Variants in POM121L2 observed in about 807,000 individuals in gnomAD.
POM121L2 encodes the protein POM121 transmembrane nucleoporin like 2.
For synonymous variants in POM121L2, 459 were observed against 483.8 expected (o/e 0.95, Z 0.67); for missense variants, 1,167 against 1,260.3 (o/e 0.93, Z 1.12).
chr6:27,310,108 T>A lies in POM121L2; in HGVS notation c.2063A>T (p.His688Leu). The change falls in exon 1 of 1, where the codon CAC (histidine) becomes CTC (leucine). Residue 688 changes from histidine (H) to leucine (L), a missense_variant. Transcript: ENST00000444565. ...CACAGTAGGAATTGTAGGATGGTGG[T>A]GTGGTGGGAAAATGAATCCTGTGGC... ...TPATGFIFPPHHHPTIPTVHT... is the reference protein window; with the variant it reads ...TPATGFIFPPLHHPTIPTVHT... 1 of 1,551,970 alleles carries A rather than the reference T, an allele frequency of 6.4e-7. No homozygotes were observed. Among genetic ancestry groups the A allele is most frequent in the Non-Finnish European group, 8.7e-7 (1 of 1,147,050 alleles).
Position 27,310,238 on chromosome 6 carries a change from C to A in POM121L2, c.1933G>T (p.Val645Leu). ...CCTACGGCACTGGTGACATTCACTA[C>A]ACCAAAATCCAAAGGTGGCTTAAAA... The part of the protein sequence containing the change: ...SVFKPPLDFG[V>L]VNVTSAVGNT... The change falls in exon 1 of 1, where the codon GTA (valine) becomes TTA (leucine). Residue 645 changes from valine to leucine, a missense_variant. Transcript: ENST00000444565. 1 of 1,552,344 alleles carries A rather than the reference C, an allele frequency of 6.4e-7. No homozygotes were observed.
Position 27,311,785 on chromosome 6 carries a change from A to C in POM121L2, c.386T>G (p.Val129Gly), listed in dbSNP as rs1760749753. 6.4e-7 allele frequency: 1 copy of C among 1,551,706 alleles called. No individual in the cohort carries two copies. The highest frequency in any genetic ancestry group is 8.7e-7 in the Non-Finnish European group (1 of 1,146,994). ...TIRITPPDQRVPPSTSPEDVI... is the reference protein window; with the variant it reads ...TIRITPPDQRGPPSTSPEDVI... ...ATCTTCAGGAGAAGTGGAAGGGGGCACTCTCTGGTCAGGAGGAGTGATCCT... is the reference window on the plus strand; with the variant it reads ...ATCTTCAGGAGAAGTGGAAGGGGGCCCTCTCTGGTCAGGAGGAGTGATCCT... Residue 129 changes from valine (V) to glycine (G), a missense_variant, in exon 1 of 1, where the codon GTG becomes GGG. Val to Gly is a moderately radical substitution (Grantham distance 109). Transcript: ENST00000444565.
rs935869349 is a variant in POM121L2, at chr6:27,310,001, T to C, written c.2170A>G (p.Met724Val). The C allele has an allele frequency of 6.4e-7, 1 of 1,551,778 alleles. No individual in the cohort carries two copies. The highest frequency in any genetic ancestry group is 8.7e-7 in the Non-Finnish European group (1 of 1,147,030). Residue 724 changes from methionine (M) to valine (V), a missense_variant, in exon 1 of 1, where the codon ATG (methionine) becomes GTG (valine). Coordinates refer to ENST00000444565, the MANE Select transcript of POM121L2 (RefSeq NM_033482.4). The stretch of plus-strand genomic sequence containing the variant: ...GCAGAGGCAGGCAGAGGGCTGCCCA[T>C]ACCCCTGAAATTAGCAGTGCTGCTT... Reference protein sequence around the residue: ...PRSSTANFRGMGSPLPASALV... With the variant: ...PRSSTANFRGVGSPLPASALV...
chr6:27,309,922 G>A lies in POM121L2; in HGVS notation c.2249C>T (p.Pro750Leu). 6.4e-7 allele frequency: 1 copy of A among 1,551,752 alleles called. No individual in the cohort carries two copies. Among genetic ancestry groups the A allele is most frequent in the Admixed American group, 2.0e-5 (1 of 51,012 alleles). Reference sequence around the variant, plus strand: ...TGATCCCAAGGGACTTGTGATTGCTGGAGTCAGGTTGGAGATGCTGGGGGT... The same window carrying A: ...TGATCCCAAGGGACTTGTGATTGCTAGAGTCAGGTTGGAGATGCTGGGGGT... ...ASTPSISNLT[P>L]AITSPLGSSS... The change falls in exon 1 of 1, where the codon CCA becomes CTA. Residue 750 changes from proline (P) to leucine (L), a missense_variant. Coordinates refer to ENST00000444565, the MANE Select transcript of POM121L2 (RefSeq NM_033482.4).
rs61736098 is a variant in POM121L2 at position 27,312,026 on chromosome 6, G to T, written c.145C>A (p.Pro49Thr). Residue 49 changes from proline to threonine, a missense_variant, in exon 1 of 1, where the codon CCT becomes ACT. Pro to Thr is a conservative substitution (Grantham distance 38, BLOSUM62 -1). Coordinates refer to ENST00000444565, the MANE Select transcript of POM121L2 (RefSeq NM_033482.4). The surrounding 1 kb of genome is among the most constrained non-coding windows in gnomAD (Gnocchi z 6.7). ...CTCACAGGTCTATACCGTGGGGCAG[G>T]GTGGGCGCGGTGGACGAACTGAACC... Reference protein sequence around the residue: ...HRVQFVHRAHPAPRYRPVRRR... With the variant: ...HRVQFVHRAHTAPRYRPVRRR... The T allele has an allele frequency of 0.027, 42,010 of 1,533,628 alleles. 665 individuals are homozygous for T. Among genetic ancestry groups the T allele is most frequent in the Middle Eastern group, 0.037 (218 of 5,888 alleles).
At position 27,310,863 on chromosome 6, in the gene POM121L2, C is replaced by A; in HGVS notation, c.1308G>T (p.Lys436Asn). 1 of 1,551,668 alleles carries A rather than the reference C, an allele frequency of 6.4e-7. No individual in the cohort carries two copies. Among genetic ancestry groups the A allele is most frequent in the Non-Finnish European group, 8.7e-7 (1 of 1,146,978 alleles). Residue 436 changes from lysine to asparagine, a missense_variant, in exon 1 of 1, where the codon AAG becomes AAT. Lys to Asn is a moderately conservative substitution (Grantham distance 94). Coordinates refer to ENST00000444565, the MANE Select transcript of POM121L2 (RefSeq NM_033482.4). Reference sequence around the variant, plus strand: ...CAGGTGGGGTCGGTAGGCTGGGTGTCTTCAAAGGAGAATGGGCCACACTGG... The same window carrying A: ...CAGGTGGGGTCGGTAGGCTGGGTGTATTCAAAGGAGAATGGGCCACACTGG... ...EATSVAHSPL[K>N]TPSLPTPPGC...
Position 27,312,270 on chromosome 6 carries a change from G to A in POM121L2, c.-100C>T. ...GACAGAGTCGAAGAGCGCAGTGTTC[G>A]GTTGACGGTTGGGATTCACGCGCTA... is the stretch of plus-strand genomic sequence containing the variant. On this transcript the variant is annotated 5_prime_UTR_variant, in exon 1 of 1. Coordinates refer to ENST00000444565, the MANE Select transcript of POM121L2 (RefSeq NM_033482.4). This position sits in a 1 kb window ranked among gnomAD's most constrained non-coding sequence, Gnocchi z 6.7. 1 of 752,104 alleles carries A rather than the reference G, an allele frequency of 1.3e-6. No individual in the cohort carries two copies. The highest frequency in any genetic ancestry group is 2.0e-6 in the Non-Finnish European group (1 of 497,040). 46.6% of individuals were successfully genotyped at this position (752,104 alleles called of 1,614,324 possible).
At position 27,309,740 on chromosome 6, in the gene POM121L2, G is replaced by A. The variant is rs1330170088; in HGVS notation, c.2431C>T (p.Pro811Ser). Residue 811 changes from proline to serine, a missense_variant, in exon 1 of 1, where the codon CCC becomes TCC. Transcript: ENST00000444565. The part of the protein sequence containing the change: ...FGSSAVALPT[P>S]MPTPAQPAFI... ...GCTGGCTGAGCTGGAGTTGGCATGGGGGTTGGCAATGCCACTGCTGAGCTC... is the reference window on the plus strand; with the variant it reads ...GCTGGCTGAGCTGGAGTTGGCATGGAGGTTGGCAATGCCACTGCTGAGCTC... 6.4e-7 allele frequency: 1 copy of A among 1,551,578 alleles called. No individual in the cohort carries two copies. The highest frequency in any genetic ancestry group is 1.4e-5 in the African/African-American group (1 of 73,024).
rs867190093 is a variant in POM121L2 at position 27,309,355 on chromosome 6, C to T, written c.216+1742G>A. The T allele has an allele frequency of 1.2e-5, 19 of 1,551,466 alleles. No homozygotes were observed. The Admixed American group carries it at 1.4e-4, about 11-fold the overall frequency. On this transcript the variant is annotated intron_variant, in intron 1 of 1. Transcript: ENST00000429945. ...GGGCAGGCCTTCAGTGTTCTGGCTCCAGCCTTTTCCAAAGGGGATCATGGT... is the reference window on the plus strand; with the variant it reads ...GGGCAGGCCTTCAGTGTTCTGGCTCTAGCCTTTTCCAAAGGGGATCATGGT...
In POM121L2 at chr6:27,309,965, T is replaced by C. The variant is rs1312370005; in HGVS notation, c.2206A>G (p.Thr736Ala). The change falls in exon 1 of 1, where the codon ACA becomes GCA. Residue 736 changes from threonine to alanine, a missense_variant. Physicochemically the swap from Thr to Ala is moderately conservative, Grantham distance 58. Transcript: ENST00000444565. ...CTGGGGGTTGATGCAAGCCAGTTTG[T>C]GGATACTAGGGCAGAGGCAGGCAGA... ...SPLPASALVSTNWLASTPSIS... is the reference protein window; with the variant it reads ...SPLPASALVSANWLASTPSIS... 3 of 1,551,852 alleles carry C rather than the reference T, an allele frequency of 1.9e-6. No individual in the cohort carries two copies. The highest frequency in any genetic ancestry group is 2.6e-6 in the Non-Finnish European group (3 of 1,147,024).
rs1168380762 is a variant in POM121L2, at chr6:27,310,448, G to C, written c.1723C>G (p.Pro575Ala). The change falls in exon 1 of 1, where the codon CCT becomes GCT. Residue 575 changes from proline to alanine, a missense_variant. Coordinates refer to ENST00000444565, the MANE Select transcript of POM121L2 (RefSeq NM_033482.4). ...SLSTIQGTLT[P>A]TFKPIFGSID... ...CTGCCAAAGATAGGCTTGAAGGTAG[G>C]AGTTAAGGTACCCTGAATTGTGGAA... is the stretch of plus-strand genomic sequence containing the variant. 3.9e-6 allele frequency: 6 copies of C among 1,552,252 alleles called. No individual in the cohort carries two copies. The highest frequency in any genetic ancestry group is 4.4e-6 in the Non-Finnish European group (5 of 1,147,130).
chr6:27,309,032 A>G lies in POM121L2; in HGVS notation c.*31T>C. ...TTTTTCAAAAACAATACTGAGGTCTAAATCAGGGTGCAAGTGACAGGGAAC... is the reference window on the plus strand; with the variant it reads ...TTTTTCAAAAACAATACTGAGGTCTGAATCAGGGTGCAAGTGACAGGGAAC... On this transcript the variant is annotated 3_prime_UTR_variant, in exon 1 of 1. Transcript: ENST00000444565. 1 of 1,491,616 alleles carries G rather than the reference A, an allele frequency of 6.7e-7. No homozygotes were observed. The highest frequency in any genetic ancestry group is 9.0e-7 in the Non-Finnish European group (1 of 1,110,534). 92.4% of individuals were successfully genotyped at this position (1,491,616 alleles called of 1,614,324 possible). A position where few individuals can be genotyped will look rare whatever the true frequency, so the allele number is the denominator to read the frequency against.
At position 27,311,762 on chromosome 6, in the gene POM121L2, C is replaced by T. The variant is rs915834575; in HGVS notation, c.409G>A (p.Asp137Asn). ...GGGAGTCCTGCAAGGGCAATTACATCTTCAGGAGAAGTGGAAGGGGGCACT... is the reference window on the plus strand; with the variant it reads ...GGGAGTCCTGCAAGGGCAATTACATTTTCAGGAGAAGTGGAAGGGGGCACT... Reference protein sequence around the residue: ...QRVPPSTSPEDVIALAGLPPS... With the variant: ...QRVPPSTSPENVIALAGLPPS... The change falls in exon 1 of 1, where the codon GAT becomes AAT. Residue 137 changes from aspartate (D) to asparagine (N), a missense_variant. Physicochemically the swap from Asp to Asn is conservative, Grantham distance 23. Transcript: ENST00000444565. The T allele has an allele frequency of 2.6e-6, 4 of 1,551,848 alleles. No individual in the cohort carries two copies. Among genetic ancestry groups the T allele is most frequent in the Non-Finnish European group, 3.5e-6 (4 of 1,147,024 alleles).
In POM121L2 at chr6:27,312,073, T is replaced by C. The variant is rs2235233; in HGVS notation, c.98A>G (p.Gln33Arg). 0.23 allele frequency: 345,591 copies of C among 1,500,770 alleles called. 42,335 individuals are homozygous for C. The highest frequency in any genetic ancestry group is 0.39 in the East Asian group (15,722 of 40,356). The allele number at this position is 1,500,770 out of a possible 1,614,324, so 93.0% of individuals were successfully genotyped here. Residue 33 changes from glutamine to arginine, a missense_variant, in exon 1 of 1, where the codon CAG (glutamine) becomes CGG (arginine). Transcript: ENST00000444565. The surrounding 1 kb of genome is among the most constrained non-coding windows in gnomAD (Gnocchi z 6.7). The stretch of plus-strand genomic sequence containing the variant: ...AACCCGATGAACTTGGTGAAGGGGC[T>C]GAGGTGGCCGGCGTTTCGTGGGCCT... ...PERPTKRRPP[Q>R]PLHQVHRVQF...
rs1483922384 is a variant in POM121L2, at chr6:27,308,463, C to A, written c.*600G>T. ...TTCAACAGGTGAATGGATAAATGAACTGTGGTATACTCATACAACTGAACA... is the reference window on the plus strand; with the variant it reads ...TTCAACAGGTGAATGGATAAATGAAATGTGGTATACTCATACAACTGAACA... On this transcript the variant is annotated 3_prime_UTR_variant, in exon 1 of 1. Coordinates refer to ENST00000444565, the MANE Select transcript of POM121L2 (RefSeq NM_033482.4). 1.3e-5 allele frequency among the ~76,000 whole-genome samples: 2 copies of A among 152,124 alleles called. No homozygotes were observed. Among genetic ancestry groups the A allele is most frequent in the African/African-American group, 2.4e-5 (1 of 41,416 alleles).
rs1380079888 is a variant in POM121L2, at chr6:27,309,001, C to T, written c.*62G>A. On this transcript the variant is annotated 3_prime_UTR_variant, in exon 1 of 1. Transcript: ENST00000444565. ...GTTTACTTTAGAAAATTGGAAGACACTGAGGTTTTTCAAAAACAATACTGA... is the reference window on the plus strand; with the variant it reads ...GTTTACTTTAGAAAATTGGAAGACATTGAGGTTTTTCAAAAACAATACTGA... The T allele has an allele frequency of 1.6e-6, 2 of 1,287,170 alleles. No individual in the cohort carries two copies. Among genetic ancestry groups the T allele is most frequent in the African/African-American group, 1.5e-5 (1 of 66,344 alleles). The allele number at this position is 1,287,170 out of a possible 1,614,324, so 79.7% of individuals were successfully genotyped here.
Position 27,309,863 on chromosome 6 carries a change from C to T in POM121L2, c.2308G>A (p.Ala770Thr). 6.4e-7 allele frequency: 1 copy of T among 1,551,752 alleles called. No individual in the cohort carries two copies. Among genetic ancestry groups the T allele is most frequent in the African/African-American group, 1.4e-5 (1 of 73,176 alleles). ...SRPPFPLSQG[A>T]NPQPAFGATN... The stretch of plus-strand genomic sequence containing the variant: ...GCACCAAATGCAGGCTGGGGATTAG[C>T]TCCTTGGGATAGTGGGAAAGGTGGC... The change falls in exon 1 of 1, where the codon GCT becomes ACT. Residue 770 changes from alanine (A) to threonine (T), a missense_variant. By Grantham distance (58) the Ala-to-Thr change is moderately conservative. Transcript: ENST00000444565.
chr6:27,311,309 T>C lies in POM121L2; in HGVS notation c.862A>G (p.Lys288Glu), dbSNP rs1270580592. The C allele has an allele frequency of 6.4e-7, 1 of 1,551,648 alleles. No homozygotes were observed. Among genetic ancestry groups the C allele is most frequent in the African/African-American group, 1.4e-5 (1 of 73,146 alleles). ...GAAGGCCGATGACAACTTTTTTCCT[T>C]TTTTATTGGCCACTCTGGTGTCTCG... Reference protein sequence around the residue: ...SFETPEWPIKKEKSCHRPSSP... With the variant: ...SFETPEWPIKEEKSCHRPSSP... The change falls in exon 1 of 1, where the codon AAG becomes GAG. Residue 288 changes from lysine (K) to glutamate (E), a missense_variant. Coordinates refer to ENST00000444565, the MANE Select transcript of POM121L2 (RefSeq NM_033482.4).
Position 27,310,566 on chromosome 6 carries a change from T to C in POM121L2, c.1605A>G (p.Lys535=). The C allele has an allele frequency of 1.9e-6, 3 of 1,551,816 alleles. No homozygotes were observed. Among genetic ancestry groups the C allele is most frequent in the Non-Finnish European group, 2.6e-6 (3 of 1,147,008 alleles). ...PDATSAHLML[K]PILGPLHNSE... Reference sequence around the variant, plus strand: ...TGTTGTGCAGGGGCCCCAAAATCGGTTTTAACATGAGGTGAGCAGAAGTTG... The same window carrying C: ...TGTTGTGCAGGGGCCCCAAAATCGGCTTTAACATGAGGTGAGCAGAAGTTG... The change falls in exon 1 of 1, where the codon AAA becomes AAG. Residue 535 remains lysine (K), a synonymous_variant. Coordinates refer to ENST00000444565, the MANE Select transcript of POM121L2 (RefSeq NM_033482.4).
Sources: gnomAD v4.1 joint callset for allele counts (sites outside exome capture counted in the v4.1 genomes callset) on GRCh38, gnomAD v4.1.1 for gene constraint, Gnocchi (gnomAD v3.1) non-coding constraint, MANE v1.5 for transcripts, NCBI Gene and HGNC (gene_info 2026-07-23, HGNC 2026-07-21) for gene names.